Variants in LRP1B observed in about 807,000 individuals in gnomAD.
LRP1B encodes the protein low-density lipoprotein receptor-related protein 1B.
Under a neutral mutation model 556.6 loss-of-function variants are expected in LRP1B, and 217 were observed. That is an observed-to-expected ratio of 0.39 (90% CI 0.35 to 0.44). The LOEUF is 0.44. Among genes scored for constraint, LRP1B ranks in the 20% least tolerant of loss-of-function variants. The pLI is 1.00. For synonymous variants in LRP1B, 2,047 were observed against 1,865.8 expected (o/e 1.10, Z -2.50); for missense variants, 5,053 against 5,620.8 (o/e 0.90, Z 3.23).
intron 1 of LRP1B, among the ~76,000 whole-genome samples, chr2:141,971,323 A>G (rs572065234): frequency 4.7e-4 from 71 of 151,590 alleles, no homozygotes; most frequent in African/African-American, 1.6e-3. Context: ...AAGGTTACAC[A>G]GAAGAAAAGT....
chr2:141,668,316 G>T (rs1041170183), intron 2 of LRP1B, among the ~76,000 whole-genome samples: 2 of 152,046 alleles, frequency 1.3e-5, no homozygotes, highest in Admixed American at 6.6e-5. Flanking sequence ...TCCAGCAAAG[G>T]CCCCACCCTC....
chr2:141,598,552 G>A (rs1333942584), intron 2 of LRP1B, among the ~76,000 whole-genome samples: 1 of 152,098 alleles, frequency 6.6e-6, no homozygotes, highest in South Asian at 2.1e-4. Flanking sequence ...ATACAATTCA[G>A]TGTTTAGTAC....
chr2:141,879,660 C>CT (rs397948093), intron 1 of LRP1B, among the ~76,000 whole-genome samples: 1 of 3,100 alleles, frequency 3.2e-4, no homozygotes, highest in Non-Finnish European at 5.7e-4. Context: ...GCCATGACTT[C>CT]AGATACAGTA....
intron 1 of LRP1B, among the ~76,000 whole-genome samples, chr2:141,873,484 GA>G (rs1698656003): frequency 1.3e-5 from 2 of 151,950 alleles, no homozygotes; most frequent in Admixed American, 6.6e-5. Flanking sequence ...ATAGAAATGA[GA>G]TGGGGAAAGT....
chr2:141,316,454 C>A (rs148912117), intron 3 of LRP1B, among the ~76,000 whole-genome samples: 1 of 152,052 alleles, frequency 6.6e-6, no homozygotes, highest in African/African-American at 2.4e-5. Flanking sequence ...GAGAACAGCA[C>A]CTTTGAAGAA....
intron 1 of LRP1B, among the ~76,000 whole-genome samples, chr2:142,103,010 G>A (rs1706621197): frequency 6.6e-6 from 1 of 151,792 alleles, no homozygotes; most frequent in East Asian, 1.9e-4. Flanking sequence ...GGATAAACAT[G>A]ATCCTCTAGT....
intron 66 of LRP1B, among the ~76,000 whole-genome samples, chr2:140,387,409 A>G (rs1683805366): frequency 6.6e-6 from 1 of 152,220 alleles, no homozygotes; most frequent in South Asian, 2.1e-4. Flanking sequence ...ACAATATTTT[A>G]AAGTATTGTT....
intron 1 of LRP1B, among the ~76,000 whole-genome samples, chr2:141,865,986 C>T (rs1395346290): frequency 1.3e-5 from 2 of 152,208 alleles, no homozygotes; most frequent in African/African-American, 4.8e-5. Flanking sequence ...CCCATTTTAG[C>T]TACAGCATTG....
chr2:140,886,838 G>C (rs1397307411), intron 23 of LRP1B, among the ~76,000 whole-genome samples: 1 of 152,116 alleles, frequency 6.6e-6, no homozygotes, highest in Admixed American at 6.6e-5. Context: ...TAAGAGACAA[G>C]ATGGCGGCTT....
At chr2:141,476,650 C>T (rs779213606) in intron 3 of LRP1B, among the ~76,000 whole-genome samples, 119 of 152,196 alleles carry the variant, frequency 7.8e-4, no homozygotes, top group Non-Finnish European at 1.4e-3. Flanking sequence ...TAATAGATAT[C>T]TTTTCATTAT....
intron 83 of LRP1B, among the ~76,000 whole-genome samples, chr2:140,306,750 G>C (rs1237398444): frequency 1.3e-5 from 2 of 151,808 alleles, no homozygotes; most frequent in African/African-American, 2.4e-5. Context: ...TGTGATGTTA[G>C]GGTGTCAATT....
chr2:141,113,896 C>T (rs1374660572), intron 7 of LRP1B, among the ~76,000 whole-genome samples: 1 of 152,154 alleles, frequency 6.6e-6, no homozygotes, highest in Non-Finnish European at 1.5e-5. Flanking sequence ...ATAAATGAAA[C>T]TAGTCTAAGT....
At chr2:140,724,645 T>C (rs941255062) in intron 35 of LRP1B, among the ~76,000 whole-genome samples, 2 of 152,186 alleles carry the variant, frequency 1.3e-5, no homozygotes, top group African/African-American at 4.8e-5. Context: ...TCAGTTAATG[T>C]AGTCTTTATT....
chr2:141,371,850 A>T (rs1232485425), intron 3 of LRP1B, among the ~76,000 whole-genome samples: 1 of 150,300 alleles, frequency 6.7e-6, no homozygotes, highest in Non-Finnish European at 1.5e-5. Flanking sequence ...CAATTTTGAT[A>T]TTTTTATTTT....
intron 27 of LRP1B, among the ~76,000 whole-genome samples, chr2:140,862,251 T>C (rs180918781): frequency 7.2e-4 from 110 of 152,290 alleles, no homozygotes; most frequent in African/African-American, 2.5e-3. Context: ...GGTGAGCAAC[T>C]TGTTTGTACG....
At chr2:141,470,237 G>C (rs1435125405) in intron 3 of LRP1B, among the ~76,000 whole-genome samples, 1 of 152,056 alleles carries the variant, frequency 6.6e-6, no homozygotes, top group Non-Finnish European at 1.5e-5. Flanking sequence ...TATTGTTACT[G>C]GTGCAGATCT....
chr2:140,960,810 GGTCAATATTCA>G (rs1258882879), intron 18 of LRP1B, among the ~76,000 whole-genome samples: 2 of 151,748 alleles, frequency 1.3e-5, no homozygotes, highest in African/African-American at 4.8e-5. Context: ...CTGATACTAT[GGTCAATATTCA>G]AAGATCTATT....
rs1423111275 is a variant in LRP1B, at chr2:141,677,796, T to C, written c.205+132483A>G. 3.3e-5 allele frequency among the ~76,000 whole-genome samples: 5 copies of C among 152,212 alleles called. No individual in the cohort carries two copies. In the South Asian group the frequency reaches 6.2e-4, roughly 19 times the overall value. On this transcript the variant is annotated intron_variant, in intron 2 of 90. Transcript: ENST00000389484. ...GAGCCACTGCACCTAGCCATATTTT[T>C]CTTTTTCTTAAAAGCATTAGGAAAC...
chr2:140,393,218 T>A (rs965026598), intron 66 of LRP1B, among the ~76,000 whole-genome samples: 1 of 152,124 alleles, frequency 6.6e-6, no homozygotes, highest in Admixed American at 6.6e-5. Context: ...CACTGTCAGT[T>A]CTTCAATGAA....
Sources: allele counts gnomAD v4.1 joint callset (sites outside exome capture counted in the v4.1 genomes callset), GRCh38; gene constraint gnomAD v4.1.1; transcripts MANE v1.5; gene names NCBI Gene and HGNC (gene_info 2026-07-23, HGNC 2026-07-21).